DISC1: variants seen among roughly 807,000 people sequenced by gnomAD.
DISC1 encodes the protein DISC1 scaffold protein, also known as disrupted in schizophrenia 1 protein.
A neutral mutation model predicts 84.5 loss-of-function variants in DISC1; 57 were observed. The observed-to-expected ratio is 0.67, with a 90% CI of 0.55 to 0.84. The LOEUF (loss-of-function observed/expected upper bound fraction) is 0.84. Among genes scored for constraint, DISC1 ranks in the 40% least tolerant of loss-of-function variants. DISC1 has a pLI of 0.00. For synonymous variants in DISC1, 411 were observed against 415.2 expected (o/e 0.99, Z 0.12); for missense variants, 1,000 against 1,057.8 (o/e 0.95, Z 0.76).
chr1:231,888,607 C>T (rs1450262097), intron 9 of DISC1, among the ~76,000 whole-genome samples: 7 of 151,722 alleles, frequency 4.6e-5, no homozygotes, highest in East Asian at 1.9e-4. Context: ...GGCATGGTGG[C>T]GGGCACCTGT....
At position 231,630,293 on chromosome 1, in the gene DISC1, G is replaced by T. The variant is rs2058610051; in HGVS notation, c.67+3359G>T. ...AGTACAAAAAAAGGTAATATTTTAG[G>T]TTAGGGTCATTAGACCAGAATTAGA... On this transcript the variant is annotated intron_variant, in intron 1 of 12. Transcript: ENST00000439617. This position sits in a 1 kb window ranked among gnomAD's most constrained non-coding sequence, Gnocchi z 4.4. Among the ~76,000 whole-genome samples the T allele has an allele frequency of 6.6e-6, 1 of 151,920 alleles. No individual in the cohort carries two copies. The highest frequency in any genetic ancestry group is 6.6e-5 in the Admixed American group (1 of 15,234).
chr1:231,645,476 A>G lies in DISC1; in HGVS notation c.67+18542A>G, dbSNP rs1006586208. On this transcript the variant is annotated intron_variant, in intron 1 of 12. Coordinates refer to ENST00000439617, the MANE Select transcript of DISC1 (RefSeq NM_018662.3). ...TGATGTCCCAGGGTTAGGAGGGCAG[A>G]GACCAGGCAGTTTATGTCATGTCAC... 6.6e-5 allele frequency among the ~76,000 whole-genome samples: 10 copies of G among 151,606 alleles called. 1 individual carries two copies. Among genetic ancestry groups the G allele is most frequent in the Middle Eastern group, 6.9e-3 (2 of 288 alleles).
intron 10 of DISC1, among the ~76,000 whole-genome samples, chr1:231,974,774 T>C (rs1262856589): frequency 6.6e-6 from 1 of 152,232 alleles, no homozygotes; most frequent in Admixed American, 6.5e-5. Context: ...AGTAATTTTC[T>C]TCAAGAAATT....
intron 3 of DISC1, among the ~76,000 whole-genome samples, chr1:231,713,914 A>G (rs911696445): frequency 6.6e-6 from 1 of 150,512 alleles, no homozygotes; most frequent in African/African-American, 2.4e-5. Context: ...TGCAAGTTAT[A>G]GTCAGAGCAA....
At chr1:231,774,082 T>TA (rs1005289402) in intron 6 of DISC1, among the ~76,000 whole-genome samples, 22 of 151,374 alleles carry the variant, frequency 1.5e-4, no homozygotes, top group African/African-American at 3.6e-4. Flanking sequence ...TCTACAAAAA[T>TA]AAAAAAATAA....
At chr1:231,888,780 C>CCCCAT (rs1481991988) in intron 9 of DISC1, among the ~76,000 whole-genome samples, 1 of 151,872 alleles carries the variant, frequency 6.6e-6, no homozygotes, top group African/African-American at 2.4e-5. Context: ...ACCCCAGTGC[C>CCCCAT]CCCATCCACA....
chr1:231,667,521 T>C (rs139302210), intron 1 of DISC1, among the ~76,000 whole-genome samples: 1 of 152,204 alleles, frequency 6.6e-6, no homozygotes, highest in Non-Finnish European at 1.5e-5. Flanking sequence ...ATCAAATTGC[T>C]TTCTACTTCA....
intron 3 of DISC1, chr1:231,721,019 A>G (rs1390307595): frequency 3.1e-6 from 4 of 1,290,976 alleles, no homozygotes; most frequent in South Asian, 1.2e-5. Context: ...AAAATTGACA[A>G]TGGAAAATGG....
rs577515620 is a variant in DISC1 at position 232,041,094 on chromosome 1, T to C, written c.*4263T>C. The C allele has an allele frequency of 5.3e-5, 8 of 152,358 alleles. No homozygotes were observed. In the South Asian group the frequency reaches 1.7e-3, roughly 32 times the overall value. 9.4% of individuals were successfully genotyped at this position (152,358 alleles called of 1,614,324 possible). A position where few individuals can be genotyped will look rare whatever the true frequency, so the allele number is the denominator to read the frequency against. ...TTTATTGCTTCATTAAGGTTACTTT[T>C]TGTTATACAAAATAAAAGCTGATAT... On this transcript the variant is annotated 3_prime_UTR_variant, in exon 13 of 13. Coordinates refer to ENST00000439617, the MANE Select transcript of DISC1 (RefSeq NM_018662.3).
At chr1:231,677,484 A>G (rs1215184327) in intron 1 of DISC1, among the ~76,000 whole-genome samples, 3 of 152,226 alleles carry the variant, frequency 2.0e-5, no homozygotes, top group African/African-American at 7.2e-5. Flanking sequence ...AGACACTAAA[A>G]TTTATTGAGC....
At position 231,655,700 on chromosome 1, in the gene DISC1, A is replaced by G. The variant is rs1228785477; in HGVS notation, c.67+28766A>G. On this transcript the variant is annotated intron_variant, in intron 1 of 12. Transcript: ENST00000439617. ...ACTGTTTTCCATAGAGGTTATACTGATTTATGTTACCACCAGAAGTATATA... is the reference window on the plus strand; with the variant it reads ...ACTGTTTTCCATAGAGGTTATACTGGTTTATGTTACCACCAGAAGTATATA... Among the ~76,000 whole-genome samples the G allele has an allele frequency of 2.0e-5, 3 of 152,062 alleles. No homozygotes were observed. In the East Asian group the frequency reaches 5.8e-4, roughly 29 times the overall value.
intron 1 of DISC1, among the ~76,000 whole-genome samples, chr1:231,692,598 GGCCTGGAGTGA>G (rs57641057): frequency 0.083 from 12,647 of 152,224 alleles, 1,044 homozygotes; most frequent in African/African-American, 0.21. Context: ...AGGATGTGTG[GGCCTGGAGTGA>G]AGTTTGTTCC....
intron 9 of DISC1, among the ~76,000 whole-genome samples, chr1:231,835,341 C>G (rs977343437): frequency 2.0e-5 from 3 of 151,636 alleles, no homozygotes; most frequent in Admixed American, 1.3e-4. Context: ...AGAGAGTCAG[C>G]GAAGGGAGAT....
chr1:231,904,653 A>G (rs1035777809), intron 9 of DISC1, among the ~76,000 whole-genome samples: 9 of 152,128 alleles, frequency 5.9e-5, no homozygotes, highest in African/African-American at 2.2e-4. Flanking sequence ...TCTGGGAGCA[A>G]TGACATCCCA....
intron 9 of DISC1, among the ~76,000 whole-genome samples, chr1:231,922,481 C>G (rs1212041772): frequency 2.6e-5 from 4 of 152,196 alleles, no homozygotes; most frequent in African/African-American, 9.6e-5. Context: ...AAGGTACATT[C>G]ATCCAAGGGG....
intron 11 of DISC1, among the ~76,000 whole-genome samples, chr1:232,022,695 A>G (rs945043243): frequency 2.0e-5 from 3 of 152,194 alleles, no homozygotes; most frequent in Non-Finnish European, 4.4e-5. Flanking sequence ...TGATAGAAAT[A>G]TATTAATCTA....
rs532796193 is a variant in DISC1 at position 232,024,597 on chromosome 1, A to AT, written c.2308-1825dup. ...GTATCTTAATAGTTTCCCTTATGCA[A>AT]TTTTTTTTTTTTTGAGACAGCGTCT... is the stretch of plus-strand genomic sequence containing the variant. On this transcript the variant is annotated intron_variant, in intron 11 of 12. Transcript: ENST00000439617. 4.6e-3 allele frequency among the ~76,000 whole-genome samples: 663 copies of AT among 145,032 alleles called. 5 individuals carry two copies. Among genetic ancestry groups the AT allele is most frequent in the East Asian group, 0.021 (103 of 5,004 alleles).
At chr1:231,965,021 A>G (rs1660901769) in intron 10 of DISC1, among the ~76,000 whole-genome samples, 1 of 152,244 alleles carries the variant, frequency 6.6e-6, no homozygotes, top group African/African-American at 2.4e-5. Context: ...TGATAGCACT[A>G]TCTTTGTTAC....
At chr1:231,850,234 T>C (rs1016046625) in intron 9 of DISC1, among the ~76,000 whole-genome samples, 16 of 152,202 alleles carry the variant, frequency 1.1e-4, no homozygotes, top group Non-Finnish European at 1.9e-4. Context: ...CCCTTGGCTG[T>C]CTTTATTGTG....
Sources: gnomAD v4.1 joint callset for allele counts (sites outside exome capture counted in the v4.1 genomes callset) on GRCh38, gnomAD v4.1.1 for gene constraint, Gnocchi (gnomAD v3.1) non-coding constraint, MANE v1.5 for transcripts, NCBI Gene and HGNC (gene_info 2026-07-23, HGNC 2026-07-21) for gene names.